SPTBN1: variants seen among roughly 807,000 people sequenced by gnomAD.
SPTBN1 encodes the protein spectrin beta chain, non-erythrocytic 1.
Under a neutral mutation model 266.4 loss-of-function variants are expected in SPTBN1, and 32 were observed. That is an observed-to-expected ratio of 0.12 (90% confidence interval 0.09 to 0.16). The LOEUF is 0.16. Among genes scored for constraint, SPTBN1 ranks in the 10% least tolerant of loss-of-function variants. The pLI is 1.00. For missense variants in SPTBN1, 2,296 were observed against 3,067.1 expected (o/e 0.75, Z 5.94); for synonymous variants, 1,336 against 1,162.2 (o/e 1.15, Z -3.04).
chr2:54,536,607 G>A (rs1425758554), intron 2 of SPTBN1, among the ~76,000 whole-genome samples: 2 of 152,206 alleles, frequency 1.3e-5, no homozygotes, highest in African/African-American at 4.8e-5. Flanking sequence ...TTTGGTCTAT[G>A]TCTAATGATT....
intron 2 of SPTBN1, among the ~76,000 whole-genome samples, chr2:54,562,516 A>ACTTTT: frequency 4.4e-5 from 3 of 67,726 alleles, no homozygotes; most frequent in East Asian, 3.1e-4. Context: ...AGAAATGCTT[A>ACTTTT]CTTTTCTTTT....
chr2:54,466,169 T>C (rs1454617524), intron 1 of SPTBN1, among the ~76,000 whole-genome samples: 1 of 152,204 alleles, frequency 6.6e-6, no homozygotes, highest in African/African-American at 2.4e-5. Flanking sequence ...CTGTTAGTTC[T>C]GATTTTTAAT....
At chr2:54,484,847 A>G (rs533525026) in intron 1 of SPTBN1, among the ~76,000 whole-genome samples, 4 of 152,356 alleles carry the variant, frequency 2.6e-5, no homozygotes, top group African/African-American at 9.6e-5. Context: ...TTTAGCTTCA[A>G]AAATGACAAG....
chr2:54,530,352 A>ATTTT (rs1558810829), intron 2 of SPTBN1, among the ~76,000 whole-genome samples: 1 of 60,702 alleles, frequency 1.6e-5, no homozygotes, highest in Non-Finnish European at 3.5e-5. Context: ...ATTGTAAAAA[A>ATTTT]CTTTTTTTTT....
rs577459596 is a variant in SPTBN1, at chr2:54,623,433, A to T, written c.1065-46A>T. The T allele has an allele frequency of 8.7e-5, 134 of 1,535,670 alleles. 1 individual carries two copies. The highest frequency in any genetic ancestry group is 1.2e-4 in the Admixed American group (7 of 58,704). ...TTTTTAAAATGCATGACAGTGTGAA[A>T]TTTTTTTTTCTCCAGTACCAAATGA... On this transcript the variant is annotated intron_variant, in intron 9 of 35. Coordinates refer to ENST00000356805, the MANE Select transcript of SPTBN1 (RefSeq NM_003128.3).
In SPTBN1 at chr2:54,646,135, A is replaced by G. The variant is rs1679911770; in HGVS notation, c.4585-59A>G. The stretch of plus-strand genomic sequence containing the variant: ...TTCTTTCTGGCCCTAACAGCTTGAC[A>G]TAAGCAGCAGACGGCTGCCATTTAG... On this transcript the variant is annotated intron_variant, in intron 22 of 35. Coordinates refer to ENST00000356805, the MANE Select transcript of SPTBN1 (RefSeq NM_003128.3). The surrounding 1 kb of genome is among the most constrained non-coding windows in gnomAD (Gnocchi z 4.4). 3 of 1,596,202 alleles carry G rather than the reference A, an allele frequency of 1.9e-6. No individual in the cohort carries two copies. The highest frequency in any genetic ancestry group is 2.2e-5 in the East Asian group (1 of 44,636).
chr2:54,457,985 G>A (rs1345543963), intron 1 of SPTBN1, among the ~76,000 whole-genome samples: 1 of 152,256 alleles, frequency 6.6e-6, no homozygotes, highest in Non-Finnish European at 1.5e-5. Context: ...GCTGCAGGAA[G>A]GACTGGGCCC....
chr2:54,553,592 G>A (rs1197251553), intron 2 of SPTBN1, among the ~76,000 whole-genome samples: 1 of 152,246 alleles, frequency 6.6e-6, no homozygotes, highest in African/African-American at 2.4e-5. Context: ...AAAGACAGAT[G>A]TGGAGATGGC....
At chr2:54,527,341 G>A (rs1488816083) in intron 2 of SPTBN1, 1 of 152,156 alleles carries the variant, frequency 6.6e-6, no homozygotes, top group Non-Finnish European at 1.5e-5. Flanking sequence ...TTTTTCTAAT[G>A]TCTTTAATTG....
At chr2:54,523,717 G>C (rs766312083) in intron 1 of SPTBN1, among the ~76,000 whole-genome samples, 72 of 152,290 alleles carry the variant, frequency 4.7e-4, no homozygotes, top group Non-Finnish European at 2.9e-4. Context: ...GCATATGTGA[G>C]GGGGAAGAAT....
chr2:54,489,262 A>G (rs1275274943), intron 1 of SPTBN1, among the ~76,000 whole-genome samples: 1 of 151,480 alleles, frequency 6.6e-6, no homozygotes, highest in East Asian at 1.9e-4. Context: ...TTGAGGCTAT[A>G]GTGAGCCATG....
intron 2 of SPTBN1, among the ~76,000 whole-genome samples, chr2:54,542,413 A>G (rs1156932260): frequency 1.3e-5 from 2 of 152,258 alleles, no homozygotes; most frequent in African/African-American, 4.8e-5. Context: ...CCTGTAGGCC[A>G]GTGGTTTCCA....
chr2:54,608,081 A>G (rs962714176), intron 3 of SPTBN1, among the ~76,000 whole-genome samples: 1 of 152,174 alleles, frequency 6.6e-6, no homozygotes, highest in South Asian at 2.1e-4. Flanking sequence ...GGGTTGCTGC[A>G]GCCTGGCCCC....
chr2:54,606,671 A>G (rs1414038319), intron 3 of SPTBN1, among the ~76,000 whole-genome samples: 1 of 152,244 alleles, frequency 6.6e-6, no homozygotes, highest in Non-Finnish European at 1.5e-5. Flanking sequence ...TAGCTGATCC[A>G]GGAGACAAAA....
At position 54,558,485 on chromosome 2, in the gene SPTBN1, GC is replaced by G. The variant is rs1296109542; in HGVS notation, c.148+31921del. On this transcript the variant is annotated intron_variant, in intron 2 of 35. Coordinates refer to ENST00000356805, the MANE Select transcript of SPTBN1 (RefSeq NM_003128.3). This position sits in a 1 kb window ranked among gnomAD's most constrained non-coding sequence, Gnocchi z 4.6. Reference sequence around the variant, plus strand: ...TTAAAAGTTCTGAAGTAGAACCTGCGCCTCCTCTCTGCTTCTCCCTCCTCCT... The same window carrying G: ...TTAAAAGTTCTGAAGTAGAACCTGCGCTCCTCTCTGCTTCTCCCTCCTCCT... The G allele has an allele frequency of 9.7e-6, 11 of 1,135,326 alleles. No homozygotes were observed. The highest frequency in any genetic ancestry group is 1.2e-5 in the Non-Finnish European group (11 of 925,532). The allele number at this position is 1,135,326 out of a possible 1,614,324, so 70.3% of individuals were successfully genotyped here. A position where few individuals can be genotyped will look rare whatever the true frequency, so the allele number is the denominator to read the frequency against.
At chr2:54,456,625 G>C (rs1395974543) in intron 1 of SPTBN1, 107 bp downstream of exon 1, 4 of 151,604 alleles carry the variant, frequency 2.6e-5, no homozygotes, top group East Asian at 1.9e-4. Context: ...CCCAGGGCCG[G>C]AGGACGCCGC....
At chr2:54,489,172 A>C (rs1668562724) in intron 1 of SPTBN1, among the ~76,000 whole-genome samples, 1 of 150,232 alleles carries the variant, frequency 6.7e-6, no homozygotes, top group Non-Finnish European at 1.5e-5. Context: ...AAAAAAAAAA[A>C]AAACCAGGCA....
intron 34 of SPTBN1, among the ~76,000 whole-genome samples, chr2:54,666,652 G>C (rs1681388279): frequency 6.6e-6 from 1 of 152,216 alleles, no homozygotes; most frequent in Non-Finnish European, 1.5e-5. Context: ...TCTCCCTACA[G>C]AGTGGAGCTA....
chr2:54,561,739 TTA>T (rs768899000), intron 2 of SPTBN1, among the ~76,000 whole-genome samples: 1 of 148,300 alleles, frequency 6.7e-6, no homozygotes, highest in African/African-American at 2.4e-5. Flanking sequence ...ATAAATCGAG[TTA>T]TATATTTATA....
Sources: gnomAD v4.1 joint callset for allele counts (sites outside exome capture counted in the v4.1 genomes callset) on GRCh38, gnomAD v4.1.1 for gene constraint, Gnocchi (gnomAD v3.1) non-coding constraint, MANE v1.5 for transcripts, NCBI Gene and HGNC (gene_info 2026-07-23, HGNC 2026-07-21) for gene names.